The following STPG2 variants were observed in gnomAD, a reference collection of about 807,000 sequenced individuals.
STPG2 encodes the protein sperm tail PG-rich repeat containing 2, also known as sperm-tail PG-rich repeat-containing protein 2.
Under a neutral mutation model 54.2 loss-of-function variants are expected in STPG2, and 56 were observed. That is an observed-to-expected ratio of 1.03 (90% CI 0.83 to 1.29). STPG2 has a LOEUF of 1.29. Ranked by LOEUF, STPG2 falls within the 50% of genes most tolerant of loss-of-function variation. STPG2 has a pLI of 0.00. For missense variants in STPG2, 596 were observed against 544.9 expected (o/e 1.09, Z -0.93); for synonymous variants, 200 against 181.8 (o/e 1.10, Z -0.81).
chr4:97,849,615 C>T (rs150649762), intron 8 of STPG2, among the ~76,000 whole-genome samples: 3,898 of 152,186 alleles, frequency 0.026, 140 homozygotes, highest in African/African-American at 0.089. Context: ...GCAAAGGACA[C>T]GAACAGACAC....
intron 9 of STPG2, among the ~76,000 whole-genome samples, chr4:97,713,113 T>C (rs1397051700): frequency 6.6e-6 from 1 of 152,202 alleles, no homozygotes; most frequent in East Asian, 1.9e-4. Context: ...AACTCTTATA[T>C]CCTAAATATT....
chr4:97,980,697 T>C (rs2149262769), intron 6 of STPG2, among the ~76,000 whole-genome samples: 1 of 152,326 alleles, frequency 6.6e-6, no homozygotes, highest in South Asian at 2.1e-4. Context: ...TGCCCAGAAC[T>C]GTATGTCAGC....
chr4:97,597,281 A>C (rs1733322477), intron 10 of STPG2, among the ~76,000 whole-genome samples: 2 of 152,134 alleles, frequency 1.3e-5, no homozygotes, highest in Non-Finnish European at 2.9e-5. Flanking sequence ...CTACCAATGA[A>C]AAAAAGCCCA....
At chr4:97,955,425 C>A (rs1047360856) in intron 7 of STPG2, among the ~76,000 whole-genome samples, 12 of 151,964 alleles carry the variant, frequency 7.9e-5, no homozygotes, top group African/African-American at 2.9e-4. Flanking sequence ...CTGTGTTAGC[C>A]AAAATGGTCT....
At chr4:97,924,591 G>C (rs577353391) in intron 8 of STPG2, among the ~76,000 whole-genome samples, 1 of 152,234 alleles carries the variant, frequency 6.6e-6, no homozygotes, top group African/African-American at 2.4e-5. Flanking sequence ...ATTTTGAAAA[G>C]GGATATGAGT....
At chr4:97,493,338 T>C (rs1260650171) in intron 4 of STPG2, among the ~76,000 whole-genome samples, 1 of 151,532 alleles carries the variant, frequency 6.6e-6, no homozygotes, top group African/African-American at 2.4e-5. Context: ...ATGTAGTTTG[T>C]AGTGCAGCAA....
chr4:97,958,602 C>T (rs1733774704), intron 7 of STPG2, among the ~76,000 whole-genome samples: 1 of 152,136 alleles, frequency 6.6e-6, no homozygotes, highest in Non-Finnish European at 1.5e-5. Flanking sequence ...CTTCTTATAT[C>T]AGACAAAACA....
chr4:97,774,189 T>C (rs1487973434), intron 9 of STPG2, among the ~76,000 whole-genome samples: 1 of 152,210 alleles, frequency 6.6e-6, no homozygotes, highest in Non-Finnish European at 1.5e-5. Context: ...ACGTATGATA[T>C]AGTAATTGTA....
chr4:97,892,112 A>C (rs965168051), intron 8 of STPG2, among the ~76,000 whole-genome samples: 1 of 152,140 alleles, frequency 6.6e-6, no homozygotes, highest in Non-Finnish European at 1.5e-5. Flanking sequence ...ACCCTATTAT[A>C]ATCTTTGTGC....
chr4:97,984,129 A>C (rs1734759538), intron 5 of STPG2, among the ~76,000 whole-genome samples: 1 of 152,106 alleles, frequency 6.6e-6, no homozygotes. Context: ...CAACCTACTA[A>C]AAATAATTAA....
chr4:97,631,619 A>G (rs1207247993), intron 10 of STPG2, among the ~76,000 whole-genome samples: 6 of 152,070 alleles, frequency 3.9e-5, no homozygotes, highest in Non-Finnish European at 8.8e-5. Flanking sequence ...CTTGCCCTTA[A>G]TGGAAAATAT....
chr4:97,551,154 A>C (rs1731958237), intron 4 of STPG2, among the ~76,000 whole-genome samples: 1 of 152,042 alleles, frequency 6.6e-6, no homozygotes, highest in Non-Finnish European at 1.5e-5. Context: ...TGCGTTTACA[A>C]ACCTTTAGCT....
chr4:97,777,485 A>G (rs1278308335), intron 9 of STPG2, among the ~76,000 whole-genome samples: 1 of 152,226 alleles, frequency 6.6e-6, no homozygotes, highest in Non-Finnish European at 1.5e-5. Flanking sequence ...ATGCTATAAG[A>G]AAAGCAATGC....
At chr4:97,592,638 C>T (rs1733175396) in intron 10 of STPG2, among the ~76,000 whole-genome samples, 1 of 152,024 alleles carries the variant, frequency 6.6e-6, no homozygotes, top group Non-Finnish European at 1.5e-5. Flanking sequence ...GGAAGAAAGG[C>T]ATTAACAGTC....
chr4:97,897,350 A>G (rs1378761586), intron 8 of STPG2, among the ~76,000 whole-genome samples: 1 of 151,974 alleles, frequency 6.6e-6, no homozygotes, highest in African/African-American at 2.4e-5. Flanking sequence ...TATTGTGAAT[A>G]GTGCTGCAAT....
intron 9 of STPG2, among the ~76,000 whole-genome samples, chr4:97,717,489 C>T (rs1407786085): frequency 3.3e-5 from 5 of 152,134 alleles, no homozygotes; most frequent in Admixed American, 3.3e-4. Context: ...AGCTATAGGG[C>T]TGTCACTGTT....
At position 97,911,703 on chromosome 4, in the gene STPG2, C is replaced by A. The variant is rs561462030; in HGVS notation, c.1044+32194G>T. Among the ~76,000 whole-genome samples, 5 of 152,262 alleles carry A rather than the reference C, an allele frequency of 3.3e-5. No individual in the cohort carries two copies. In the East Asian group the frequency reaches 9.7e-4, roughly 29 times the overall value. On this transcript the variant is annotated intron_variant, in intron 8 of 10. Coordinates refer to ENST00000295268, the MANE Select transcript of STPG2 (RefSeq NM_174952.3). The stretch of plus-strand genomic sequence containing the variant: ...AACTCTGATCTCCCTGGGAGGGAGC[C>A]CCTGGTGGGGAGAAGCGACAAAGGT...
At chr4:97,769,745 A>G (rs955703123) in intron 9 of STPG2, among the ~76,000 whole-genome samples, 10 of 152,154 alleles carry the variant, frequency 6.6e-5, no homozygotes, top group Non-Finnish European at 1.2e-4. Context: ...ATATGTGAAT[A>G]CACAGATATG....
intron 9 of STPG2, among the ~76,000 whole-genome samples, chr4:97,826,545 T>C (rs1182585111): frequency 1.3e-5 from 2 of 152,186 alleles, no homozygotes; most frequent in Non-Finnish European, 2.9e-5. Flanking sequence ...TAAAAGGTTA[T>C]AAAAGGTTTA....
Sources: allele counts gnomAD v4.1 joint callset (sites outside exome capture counted in the v4.1 genomes callset), GRCh38; gene constraint gnomAD v4.1.1; transcripts MANE v1.5; gene names NCBI Gene and HGNC (gene_info 2026-07-23, HGNC 2026-07-21).